LRRC7: variants seen among roughly 807,000 people sequenced by gnomAD.
LRRC7 encodes the protein leucine rich repeat containing 7, also known as leucine-rich repeat-containing protein 7.
Under a neutral mutation model 175.7 loss-of-function variants are expected in LRRC7, and 23 were observed. The observed-to-expected ratio is 0.13, with a 90% confidence interval of 0.09 to 0.19. The LOEUF is 0.19. LRRC7 is among the 10% of genes least tolerant of loss of function. LRRC7 has a pLI of 1.00. For missense variants in LRRC7, 1,354 were observed against 1,904.7 expected (o/e 0.71, Z 5.38); for synonymous variants, 685 against 680.9 (o/e 1.01, Z -0.09).
chr1:69,831,149 A>G (rs978933968), intron 5 of LRRC7, among the ~76,000 whole-genome samples: 2 of 151,998 alleles, frequency 1.3e-5, no homozygotes, highest in Non-Finnish European at 2.9e-5. Flanking sequence ...ATAGAAAATT[A>G]GTATTTTAAT....
chr1:69,919,839 G>T, intron 7 of LRRC7: 1 of 708,472 alleles, frequency 1.4e-6, no homozygotes, highest in Non-Finnish European at 2.4e-6. Flanking sequence ...CGCACGGAGT[G>T]AGGATTGGGG....
At chr1:69,810,980 A>C (rs1570062888) in intron 4 of LRRC7, among the ~76,000 whole-genome samples, 1 of 152,300 alleles carries the variant, frequency 6.6e-6, no homozygotes, top group Admixed American at 6.5e-5. Context: ...ATCAGAGTGA[A>C]GAGGCAACAT....
intron 3 of LRRC7, among the ~76,000 whole-genome samples, chr1:69,770,194 G>A (rs988561441): frequency 1.3e-5 from 2 of 152,066 alleles, no homozygotes; most frequent in African/African-American, 4.8e-5. Flanking sequence ...GAAGATCAAG[G>A]TTCTAATGCA....
chr1:70,033,153 C>T (rs1438910348), intron 18 of LRRC7, among the ~76,000 whole-genome samples: 2 of 152,300 alleles, frequency 1.3e-5, no homozygotes, highest in South Asian at 2.1e-4. Context: ...GACAATACAG[C>T]ATACACAGTA....
At chr1:69,629,259 A>C (rs1009444607) in intron 1 of LRRC7, among the ~76,000 whole-genome samples, 8 of 152,180 alleles carry the variant, frequency 5.3e-5, no homozygotes, top group African/African-American at 1.9e-4. Flanking sequence ...TATTCAACAT[A>C]AGAAAATGAA....
chr1:70,025,266 T>C (rs999029422), intron 17 of LRRC7, among the ~76,000 whole-genome samples: 1 of 150,454 alleles, frequency 6.6e-6, no homozygotes, highest in Non-Finnish European at 1.5e-5. Context: ...TTTTAGTGTA[T>C]AAATATTAAT....
chr1:69,979,423 T>C (rs1183557674), intron 8 of LRRC7, among the ~76,000 whole-genome samples: 2 of 152,240 alleles, frequency 1.3e-5, no homozygotes, highest in African/African-American at 4.8e-5. Flanking sequence ...AGAGACAGCA[T>C]CTAGTTAGAG....
At chr1:69,610,514 C>T (rs910446849) in intron 1 of LRRC7, among the ~76,000 whole-genome samples, 1 of 151,882 alleles carries the variant, frequency 6.6e-6, no homozygotes, top group Non-Finnish European at 1.5e-5. Context: ...TCTATGATTA[C>T]TAGTAATTTG....
intron 8 of LRRC7, among the ~76,000 whole-genome samples, chr1:69,979,989 C>T (rs1187414016): frequency 2.6e-5 from 4 of 151,962 alleles, no homozygotes; most frequent in African/African-American, 4.8e-5. Flanking sequence ...CCATGGTAAG[C>T]AACAGGGATG....
At chr1:69,922,081 A>C (rs1169305074) in intron 7 of LRRC7, among the ~76,000 whole-genome samples, 1 of 142,892 alleles carries the variant, frequency 7.0e-6, no homozygotes, top group East Asian at 2.2e-4. Flanking sequence ...ACCTGCCATC[A>C]TGCCTGGCTA....
chr1:69,725,101 A>G (rs1216087280), intron 2 of LRRC7, among the ~76,000 whole-genome samples: 2 of 152,136 alleles, frequency 1.3e-5, no homozygotes, highest in African/African-American at 4.8e-5. Flanking sequence ...TGTATATTAC[A>G]GAGTATATTA....
Position 70,131,013 on chromosome 1 carries a change from C to A in LRRC7, c.*9126C>A, listed in dbSNP as rs1179925662. Among the ~76,000 whole-genome samples the A allele has an allele frequency of 1.3e-5, 2 of 152,114 alleles. No individual in the cohort carries two copies. On this transcript the variant is annotated 3_prime_UTR_variant, in exon 27 of 27. Coordinates refer to ENST00000651989, the MANE Select transcript of LRRC7 (RefSeq NM_001370785.2). Reference sequence around the variant, plus strand: ...GCATCATTTCATGAATAGATCCCACCCCCTATATCCCTAAAGTGAAGATGT... The same window carrying A: ...GCATCATTTCATGAATAGATCCCACACCCTATATCCCTAAAGTGAAGATGT...
At chr1:69,924,868 G>C (rs1647012281) in intron 7 of LRRC7, among the ~76,000 whole-genome samples, 1 of 152,172 alleles carries the variant, frequency 6.6e-6, no homozygotes, top group Non-Finnish European at 1.5e-5. Flanking sequence ...GGGCATCCCT[G>C]TCTTGTGCCA....
rs1475421346 is a variant in LRRC7, at chr1:70,127,824, A to ATAAT, written c.*5937_*5938insTAAT. 6.6e-6 allele frequency among the ~76,000 whole-genome samples: 1 copy of ATAAT among 152,214 alleles called. No homozygotes were observed. Among genetic ancestry groups the ATAAT allele is most frequent in the Admixed American group, 6.5e-5 (1 of 15,284 alleles). On this transcript the variant is annotated 3_prime_UTR_variant, in exon 27 of 27. Coordinates refer to ENST00000651989, the MANE Select transcript of LRRC7 (RefSeq NM_001370785.2). ...ATGTAAACATTCCATGACTCTTATT[A>ATAAT]GTCTACGGTTGGAACCACTATGTAG... is the stretch of plus-strand genomic sequence containing the variant.
intron 7 of LRRC7, among the ~76,000 whole-genome samples, chr1:69,871,192 C>T (rs921488662): frequency 3.9e-5 from 6 of 151,982 alleles, no homozygotes; most frequent in Admixed American, 6.6e-5. Context: ...ATGATGTATA[C>T]GTATGCCCTA....
chr1:70,066,708 T>A (rs1371584938), intron 23 of LRRC7, among the ~76,000 whole-genome samples: 14 of 152,222 alleles, frequency 9.2e-5, no homozygotes, highest in Non-Finnish European at 1.5e-5. Flanking sequence ...CACCTTTTTG[T>A]GTGAACCTAA....
At chr1:70,069,242 A>G (rs1662203928) in intron 23 of LRRC7, among the ~76,000 whole-genome samples, 1 of 152,192 alleles carries the variant, frequency 6.6e-6, no homozygotes, top group Admixed American at 6.5e-5. Context: ...GAAACTTACA[A>G]TCATGGCGGA....
chr1:69,787,995 C>T (rs572237264), intron 3 of LRRC7, among the ~76,000 whole-genome samples: 1 of 152,020 alleles, frequency 6.6e-6, no homozygotes, highest in South Asian at 2.1e-4. Context: ...CTCCTTCCTT[C>T]CTCCCTTCCT....
intron 1 of LRRC7, among the ~76,000 whole-genome samples, chr1:69,631,133 A>G (rs1652429692): frequency 6.6e-6 from 1 of 152,106 alleles, no homozygotes; most frequent in Admixed American, 6.5e-5. Flanking sequence ...TGGAATGTCT[A>G]TCACCTTAAA....
Sources: allele counts gnomAD v4.1 joint callset (sites outside exome capture counted in the v4.1 genomes callset), GRCh38; gene constraint gnomAD v4.1.1; transcripts MANE v1.5; gene names NCBI Gene and HGNC (gene_info 2026-07-23, HGNC 2026-07-21).